KLF12: variants seen among roughly 807,000 people sequenced by gnomAD.
KLF12 encodes KLF transcription factor 12, also known as Krueppel-like factor 12.
Under a neutral mutation model 37.8 loss-of-function variants are expected in KLF12, and 9 were observed. The ratio of observed to expected loss-of-function variants is 0.24; its 90% CI spans 0.14 to 0.42. The LOEUF is 0.42. KLF12 is among the 10% of genes least tolerant of loss of function. The pLI, the probability that KLF12 is intolerant of heterozygous loss-of-function variation, is 1.00. For synonymous variants in KLF12, 208 were observed against 202.1 expected (o/e 1.03, Z -0.25); for missense variants, 411 against 516.0 (o/e 0.80, Z 1.97).
At chr13:74,135,411 T>TCTCCCCGGCAGCCCCTCC (rs1454441643), upstream of KLF12, among the ~76,000 whole-genome samples, 2 of 151,416 alleles carry the variant, frequency 1.3e-5, no homozygotes, top group African/African-American at 4.9e-5. Flanking sequence ...TCCTTGACGC[T>TCTCCCCGGCAGCCCCTCC]CTCCCCGGCA....
At position 74,071,971 on chromosome 13, in the gene KLF12, A is replaced by AC. The variant is rs573960651; in HGVS notation, c.-32+61767dup. 2.5e-3 allele frequency among the ~76,000 whole-genome samples: 373 copies of AC among 151,792 alleles called. 1 individual carries two copies. Among genetic ancestry groups the AC allele is most frequent in the Admixed American group, 6.0e-3 (92 of 15,232 alleles). On this transcript the variant is annotated intron_variant, in intron 1 of 7. Coordinates refer to ENST00000377669, the MANE Select transcript of KLF12 (RefSeq NM_007249.5). Reference sequence around the variant, plus strand: ...AGCATCTTCTAAATTTTCCTCCCCAACCCCCCCACCTGAACAACTGGACAA... The same window carrying AC: ...AGCATCTTCTAAATTTTCCTCCCCAACCCCCCCCACCTGAACAACTGGACAA...
intron 4 of KLF12, among the ~76,000 whole-genome samples, chr13:73,822,000 T>C (rs1883552518): frequency 1.3e-5 from 2 of 152,180 alleles, no homozygotes; most frequent in African/African-American, 2.4e-5. Flanking sequence ...TCTCCAATTA[T>C]GCTGTTTACT....
intron 4 of KLF12, among the ~76,000 whole-genome samples, chr13:73,825,618 T>A (rs1220833532): frequency 2.0e-5 from 3 of 152,250 alleles, no homozygotes; most frequent in African/African-American, 7.2e-5. Context: ...AAATTTCTGA[T>A]AAATTGCATG....
intron 3 of KLF12, among the ~76,000 whole-genome samples, chr13:73,890,475 G>C (rs746772328): frequency 2.0e-5 from 3 of 151,968 alleles, no homozygotes; most frequent in Non-Finnish European, 4.4e-5. Flanking sequence ...CTTGTAAGTG[G>C]AGTTATTTTC....
intron 2 of KLF12, among the ~76,000 whole-genome samples, chr13:73,990,536 A>G (rs1383624984): frequency 6.6e-6 from 1 of 152,202 alleles, no homozygotes; most frequent in Non-Finnish European, 1.5e-5. Flanking sequence ...TAAGAATCAT[A>G]AAATAAATGT....
At chr13:73,883,882 A>C (rs1887097370) in intron 3 of KLF12, among the ~76,000 whole-genome samples, 1 of 152,208 alleles carries the variant, frequency 6.6e-6, no homozygotes, top group Non-Finnish European at 1.5e-5. Context: ...TCTGTTCCAC[A>C]CTGAGTAGCT....
intron 4 of KLF12, among the ~76,000 whole-genome samples, chr13:73,832,941 C>T (rs11842794): frequency 0.27 from 41,608 of 151,938 alleles, 5,864 homozygotes; most frequent in East Asian, 0.48. Context: ...AGAGACACTG[C>T]CTATGAACTT....
chr13:74,234,749 A>G, the KLF12 span, among the ~76,000 whole-genome samples: 1 of 150,104 alleles, frequency 6.7e-6, no homozygotes, highest in Admixed American at 6.6e-5. Flanking sequence ...CTTATTCGGA[A>G]AAAAAAAAAG....
At chr13:74,220,706 A>G in the KLF12 span, among the ~76,000 whole-genome samples, 2 of 152,078 alleles carry the variant, frequency 1.3e-5, no homozygotes, top group Non-Finnish European at 2.9e-5. Flanking sequence ...GGCAACCACC[A>G]TTCTCCTCTC....
intron 2 of KLF12, among the ~76,000 whole-genome samples, chr13:73,993,937 A>G (rs1466033828): frequency 6.6e-6 from 1 of 152,252 alleles, no homozygotes. Context: ...AGTACAGTTA[A>G]TCCTCACTAA....
At chr13:73,710,923 A>G (rs1875353297) in intron 7 of KLF12, among the ~76,000 whole-genome samples, 1 of 152,244 alleles carries the variant, frequency 6.6e-6, no homozygotes, top group Non-Finnish European at 1.5e-5. Context: ...CTATGAAAGC[A>G]AAGGAAAAGT....
intron 4 of KLF12, among the ~76,000 whole-genome samples, chr13:73,813,766 G>T (rs534465976): frequency 1.4e-3 from 207 of 152,310 alleles, no homozygotes; most frequent in African/African-American, 4.7e-3. Context: ...GTGACTAAAA[G>T]AAAGTATACG....
the KLF12 span, among the ~76,000 whole-genome samples, chr13:74,294,414 G>T: frequency 2.0e-5 from 3 of 152,116 alleles, no homozygotes; most frequent in Admixed American, 6.5e-5. Flanking sequence ...TTTAGGCCAG[G>T]CTGGAGTGCG....
chr13:73,994,869 G>GT (rs1892065605), intron 2 of KLF12, 121 bp downstream of exon 2: 4 of 725,628 alleles, frequency 5.5e-6, no homozygotes, highest in Non-Finnish European at 9.9e-6. Flanking sequence ...ATATGCACAT[G>GT]TAAGTACTGA....
intron 1 of KLF12, among the ~76,000 whole-genome samples, chr13:74,005,807 T>C (rs1316891256): frequency 6.6e-6 from 1 of 152,202 alleles, no homozygotes; most frequent in Non-Finnish European, 1.5e-5. Flanking sequence ...TCACGGACGG[T>C]TGCTGGTTGC....
intron 6 of KLF12, among the ~76,000 whole-genome samples, chr13:73,742,494 C>T (rs868752758): frequency 5.3e-5 from 8 of 152,148 alleles, no homozygotes; most frequent in Non-Finnish European, 1.0e-4. Flanking sequence ...CTAGATACTA[C>T]GCTAAATACT....
At chr13:73,889,926 C>G (rs1017378724) in intron 3 of KLF12, among the ~76,000 whole-genome samples, 1 of 151,960 alleles carries the variant, frequency 6.6e-6, no homozygotes, top group Non-Finnish European at 1.5e-5. Flanking sequence ...AAAAAAAGAA[C>G]CTTAAAGCTG....
At chr13:73,973,016 G>A (rs1293782866) in intron 2 of KLF12, among the ~76,000 whole-genome samples, 1 of 152,050 alleles carries the variant, frequency 6.6e-6, no homozygotes, top group Non-Finnish European at 1.5e-5. Context: ...TAAATGATAA[G>A]CAATTTGTAG....
chr13:73,873,830 ATAAT>A (rs1197958053), intron 3 of KLF12, among the ~76,000 whole-genome samples: 11 of 152,188 alleles, frequency 7.2e-5, no homozygotes, highest in Non-Finnish European at 1.3e-4. Context: ...ATATCTAAAA[ATAAT>A]TAATGCTGAT....
Sources: allele counts gnomAD v4.1 joint callset (sites outside exome capture counted in the v4.1 genomes callset), GRCh38; gene constraint gnomAD v4.1.1; transcripts MANE v1.5; gene names NCBI Gene and HGNC (gene_info 2026-07-23, HGNC 2026-07-21).